Variants in RHEB observed in about 807,000 individuals in gnomAD.
The protein encoded by RHEB is GTP-binding protein Rheb.
Under a neutral mutation model 28.8 loss-of-function variants are expected in RHEB, and 2 were observed. The observed-to-expected ratio is 0.07, with a 90% CI of 0.03 to 0.22. The LOEUF is 0.22. RHEB is among the 10% of genes least tolerant of loss of function. The probability of loss-of-function intolerance (pLI) is 1.00; values close to 1 mark genes in which losing one functional copy is unlikely to be tolerated. For missense variants in RHEB, 76 were observed against 219.9 expected (o/e 0.35, Z 4.14); for synonymous variants, 69 against 77.3 (o/e 0.89, Z 0.56).
chr7:151,498,800 A>T (rs1802718123), intron 1 of RHEB, among the ~76,000 whole-genome samples: 1 of 149,340 alleles, frequency 6.7e-6, no homozygotes, highest in African/African-American at 2.6e-5. Context: ...TCCCTTTTGT[A>T]GAATAAGATT....
chr7:151,494,918 G>C (rs1168366406), intron 1 of RHEB, among the ~76,000 whole-genome samples: 1 of 152,196 alleles, frequency 6.6e-6, no homozygotes, highest in East Asian at 1.9e-4. Flanking sequence ...AAATGCTAAT[G>C]AATCTTCATA....
At chr7:151,504,783 G>A (rs542569152) in intron 1 of RHEB, among the ~76,000 whole-genome samples, 4 of 151,906 alleles carry the variant, frequency 2.6e-5, no homozygotes, top group East Asian at 1.9e-4. Flanking sequence ...GGCACAGGGC[G>A]CTTTTTGGGT....
chr7:151,503,361 GA>G, intron 1 of RHEB: 1 of 943,288 alleles, frequency 1.1e-6, no homozygotes, highest in South Asian at 1.3e-5. Context: ...CTCGGTTTGT[GA>G]AAGGATTTGG....
At chr7:151,469,101 ACTGAG>A (rs1182615487) in intron 7 of RHEB, among the ~76,000 whole-genome samples, 1 of 152,228 alleles carries the variant, frequency 6.6e-6, no homozygotes, top group Non-Finnish European at 1.5e-5. Flanking sequence ...ATACTCAGAA[ACTGAG>A]CTGACTTCGA....
At chr7:151,505,972 C>T (rs528935128) in intron 1 of RHEB, among the ~76,000 whole-genome samples, 1 of 152,198 alleles carries the variant, frequency 6.6e-6, no homozygotes, top group Admixed American at 6.5e-5. Flanking sequence ...ATCAGTGCTT[C>T]CCGGGGAGCT....
Position 151,473,416 on chromosome 7 carries a change from C to T in RHEB, c.276-1811G>A, listed in dbSNP as rs555027016. ...GGACTGCAGCCCCTGCTGATACCCA[C>T]ACTGTGGCTCTGAGAGACTGAAGCA... On this transcript the variant is annotated intron_variant, in intron 4 of 7. Transcript: ENST00000262187. Among the ~76,000 whole-genome samples, 16 of 152,352 alleles carry T rather than the reference C, an allele frequency of 1.1e-4. No individual in the cohort carries two copies. The South Asian group carries it at 3.1e-3, about 30-fold the overall frequency.
At chr7:151,484,704 G>A (rs112102686) in intron 3 of RHEB, 33 bp downstream of exon 3, 26 of 1,464,794 alleles carry the variant, frequency 1.8e-5, no homozygotes, top group Non-Finnish European at 2.1e-5. Flanking sequence ...CAGATATGCT[G>A]TATAAGATTC....
chr7:151,472,527 G>A lies in RHEB; in HGVS notation c.276-922C>T, dbSNP rs1802180332. 1.3e-5 allele frequency among the ~76,000 whole-genome samples: 2 copies of A among 152,208 alleles called. No individual in the cohort carries two copies. Among genetic ancestry groups the A allele is most frequent in the Non-Finnish European group, 2.9e-5 (2 of 68,036 alleles). ...CAAAGTGCTGGGATTACAGGCGTGA[G>A]CCACCACACCCAGCCTCAAATGTCA... is the stretch of plus-strand genomic sequence containing the variant. On this transcript the variant is annotated intron_variant, in intron 4 of 7. Coordinates refer to ENST00000262187, the MANE Select transcript of RHEB (RefSeq NM_005614.4). This position sits in a 1 kb window ranked among gnomAD's most constrained non-coding sequence, Gnocchi z 5.2.
intron 1 of RHEB, chr7:151,497,978 C>T (rs1802703566): frequency 6.0e-6 from 3 of 500,326 alleles, no homozygotes; most frequent in South Asian, 4.8e-5. Flanking sequence ...CTCAGTGTTA[C>T]AGGGAACTCT....
At chr7:151,481,979 C>A (rs1338253571) in intron 3 of RHEB, among the ~76,000 whole-genome samples, 3 of 152,230 alleles carry the variant, frequency 2.0e-5, no homozygotes, top group Admixed American at 2.0e-4. Flanking sequence ...CAGAGGAACA[C>A]ATATTCCAAC....
rs1802260132 is a variant in RHEB, at chr7:151,475,745, G to C, written c.275+1588C>G. On this transcript the variant is annotated intron_variant, in intron 4 of 7. Transcript: ENST00000262187. ...TAAATAAATACATTAAACAGGAAGA[G>C]AGATATCCATCTATCATTGAACATG... Among the ~76,000 whole-genome samples, 4 of 152,262 alleles carry C rather than the reference G, an allele frequency of 2.6e-5. No homozygotes were observed. In the South Asian group the frequency reaches 8.3e-4, roughly 32 times the overall value.
chr7:151,490,868 C>T, intron 2 of RHEB, 75 bp downstream of exon 2: 2 of 1,106,506 alleles, frequency 1.8e-6, no homozygotes, highest in Non-Finnish European at 2.8e-6. Flanking sequence ...CACTCAAAGC[C>T]TCCATGAATA....
intron 1 of RHEB, among the ~76,000 whole-genome samples, chr7:151,499,979 T>G (rs1802744205): frequency 1.3e-5 from 2 of 152,216 alleles, no homozygotes; most frequent in South Asian, 4.1e-4. Flanking sequence ...CAGTGAGTTT[T>G]TTTTGTAGAG....
intron 1 of RHEB, among the ~76,000 whole-genome samples, chr7:151,514,376 C>T (rs1180965247): frequency 6.6e-6 from 1 of 151,852 alleles, no homozygotes; most frequent in African/African-American, 2.4e-5. Flanking sequence ...GATATATCGG[C>T]CTTCAAATTA....
intron 7 of RHEB, among the ~76,000 whole-genome samples, chr7:151,467,545 G>A (rs892773387): frequency 6.6e-6 from 1 of 151,980 alleles, no homozygotes; most frequent in South Asian, 2.1e-4. Flanking sequence ...CTGACCTCAG[G>A]GTCCCTCTTC....
intron 1 of RHEB, among the ~76,000 whole-genome samples, chr7:151,508,513 T>C (rs1357581522): frequency 3.9e-5 from 6 of 152,176 alleles, no homozygotes; most frequent in Non-Finnish European, 7.3e-5. Flanking sequence ...ACAATATCCA[T>C]CACATGTTGA....
At chr7:151,492,337 G>A (rs1802597105) in intron 1 of RHEB, among the ~76,000 whole-genome samples, 2 of 152,104 alleles carry the variant, frequency 1.3e-5, no homozygotes, top group African/African-American at 4.8e-5. Flanking sequence ...GTTGCTGGCC[G>A]GGTGTGGTGG....
At chr7:151,497,168 G>A (rs530431311) in intron 1 of RHEB, among the ~76,000 whole-genome samples, 1 of 152,082 alleles carries the variant, frequency 6.6e-6, no homozygotes, top group East Asian at 1.9e-4. Context: ...ACAACCATGT[G>A]GGCTGGTGAC....
chr7:151,505,475 A>C (rs1802854708), intron 1 of RHEB, among the ~76,000 whole-genome samples: 1 of 152,200 alleles, frequency 6.6e-6, no homozygotes. Context: ...GAATAGCTAG[A>C]AAGTTAGAAA....
Sources: gnomAD v4.1 joint callset for allele counts (sites outside exome capture counted in the v4.1 genomes callset) on GRCh38, gnomAD v4.1.1 for gene constraint, Gnocchi (gnomAD v3.1) non-coding constraint, MANE v1.5 for transcripts, NCBI Gene and HGNC (gene_info 2026-07-23, HGNC 2026-07-21) for gene names.